Variants in SLC25A16 observed in about 807,000 individuals in gnomAD.
SLC25A16 encodes the protein solute carrier family 25 member 16, also known as mitochondrial coenzyme A transporter SLC25A16.
In SLC25A16, 39 loss-of-function variants were observed where a neutral mutation model predicts 41.5. That is an observed-to-expected ratio of 0.94 (90% CI 0.73 to 1.23). The LOEUF (loss-of-function observed/expected upper bound fraction) is 1.23, where lower values mean the gene tolerates loss of function less well. Ranked by LOEUF, SLC25A16 falls within the 50% of genes most tolerant of loss-of-function variation. The pLI, the probability that SLC25A16 is intolerant of heterozygous loss-of-function variation, is 0.00. For missense variants in SLC25A16, 421 were observed against 426.9 expected, an observed-to-expected ratio of 0.99 and a Z score of 0.12; for synonymous variants, 146 against 147.8, an observed-to-expected ratio of 0.99 and a Z score of 0.09.
intron 1 of SLC25A16, among the ~76,000 whole-genome samples, chr10:68,526,028 G>A (rs2053332211): frequency 6.6e-6 from 1 of 151,898 alleles, no homozygotes. Flanking sequence ...CCATGTGATA[G>A]TCTGAAATAC....
chr10:68,490,136 T>C (rs1470260754), intron 6 of SLC25A16, among the ~76,000 whole-genome samples: 1 of 151,926 alleles, frequency 6.6e-6, no homozygotes, highest in Non-Finnish European at 1.5e-5. Context: ...GTGTTACGTG[T>C]CTGCAGTCCC....
At chr10:68,514,467 G>A (rs572245409) in intron 2 of SLC25A16, among the ~76,000 whole-genome samples, 4 of 152,282 alleles carry the variant, frequency 2.6e-5, no homozygotes, top group African/African-American at 7.2e-5. Flanking sequence ...CTGCACTCCA[G>A]CCTGGGCAAC....
chr10:68,486,142 C>T (rs570659143), intron 8 of SLC25A16, among the ~76,000 whole-genome samples: 27 of 147,548 alleles, frequency 1.8e-4, no homozygotes, highest in African/African-American at 6.3e-4. Context: ...CGCTTGAACC[C>T]GGAAGGGGGA....
intron 1 of SLC25A16, chr10:68,518,042 TG>T (rs2053189485): frequency 2.0e-5 from 3 of 151,754 alleles, no homozygotes; most frequent in Non-Finnish European, 4.4e-5. Flanking sequence ...GAGGATGACG[TG>T]AGCCAACAGT....
chr10:68,480,976 G>C lies in SLC25A16; in HGVS notation c.*2456C>G, dbSNP rs1379833448. The C allele has an allele frequency of 6.9e-6, 1 of 145,704 alleles. No individual in the cohort carries two copies. Among genetic ancestry groups the C allele is most frequent in the Non-Finnish European group, 1.5e-5 (1 of 66,818 alleles). 9.0% of individuals were successfully genotyped at this position (145,704 alleles called of 1,614,324 possible). On this transcript the variant is annotated 3_prime_UTR_variant, in exon 9 of 9. Transcript: ENST00000609923. The stretch of plus-strand genomic sequence containing the variant: ...ACAGCCTTTTTTTTTCTTTTATACA[G>C]TCTCACTCTGTATAAAAGAAATTTT...
At chr10:68,506,157 A>G (rs1320493974) in intron 3 of SLC25A16, among the ~76,000 whole-genome samples, 1 of 152,256 alleles carries the variant, frequency 6.6e-6, no homozygotes, top group Non-Finnish European at 1.5e-5. Context: ...TTCCTTTAAA[A>G]AGGCATTGCT....
intron 2 of SLC25A16, among the ~76,000 whole-genome samples, chr10:68,507,382 C>G (rs543335184): frequency 2.0e-4 from 31 of 152,016 alleles, no homozygotes; most frequent in African/African-American, 6.7e-4. Context: ...TGAAGATGAT[C>G]TACTCTTTAT....
intron 1 of SLC25A16, among the ~76,000 whole-genome samples, chr10:68,518,928 C>T (rs995176540): frequency 6.6e-6 from 1 of 152,132 alleles, no homozygotes; most frequent in Non-Finnish European, 1.5e-5. Context: ...TATGGTGACT[C>T]ATACCTGTAA....
chr10:68,518,803 A>T lies in SLC25A16; in HGVS notation c.131-1960T>A, dbSNP rs569493924. ...AAACAAATAAAATAAATAAATAAAT[A>T]AATAAATTAAATAAATAAATAAATA... is the stretch of plus-strand genomic sequence containing the variant. On this transcript the variant is annotated intron_variant, in intron 1 of 8. Coordinates refer to ENST00000609923, the MANE Select transcript of SLC25A16 (RefSeq NM_152707.4). 9.7e-3 allele frequency among the ~76,000 whole-genome samples: 1,170 copies of T among 121,190 alleles called. 16 individuals are homozygous for T. Among genetic ancestry groups the T allele is most frequent in the African/African-American group, 0.031 (986 of 31,330 alleles). The allele number at this position is 121,190 out of a possible 152,430, so 79.5% of individuals were successfully genotyped here.
intron 1 of SLC25A16, among the ~76,000 whole-genome samples, chr10:68,522,874 G>C (rs1023993651): frequency 2.0e-5 from 3 of 149,740 alleles, no homozygotes; most frequent in Admixed American, 1.3e-4. Context: ...GGTAGTCCCA[G>C]CTACTCTGGA....
At chr10:68,494,005 C>G (rs764778120) in intron 4 of SLC25A16, among the ~76,000 whole-genome samples, 2 of 152,270 alleles carry the variant, frequency 1.3e-5, no homozygotes, top group South Asian at 4.1e-4. Context: ...TCTGTAATGA[C>G]CATGTACAGA....
intron 3 of SLC25A16, among the ~76,000 whole-genome samples, chr10:68,504,017 C>CTTTTTTTTT (rs148285905): frequency 1.4e-5 from 1 of 70,872 alleles, no homozygotes; most frequent in African/African-American, 5.7e-5. Context: ...TAAACTGCTA[C>CTTTTTTTTT]TTTTTTTTTT....
intron 2 of SLC25A16, among the ~76,000 whole-genome samples, chr10:68,509,762 G>C (rs985835373): frequency 7.3e-6 from 1 of 137,548 alleles, no homozygotes; most frequent in Non-Finnish European, 1.6e-5. Flanking sequence ...TAGATATATA[G>C]ATATAGATAG....
At chr10:68,525,749 T>C (rs1017107107) in intron 1 of SLC25A16, among the ~76,000 whole-genome samples, 5 of 152,196 alleles carry the variant, frequency 3.3e-5, no homozygotes, top group Non-Finnish European at 5.9e-5. Context: ...TCCATTTTGT[T>C]CTGTACTAAG....
At chr10:68,495,554 T>C (rs10998227) in intron 4 of SLC25A16, among the ~76,000 whole-genome samples, 34,615 of 151,878 alleles carry the variant, frequency 0.23, 4,361 homozygotes, top group South Asian at 0.35. Context: ...GAGGCCAAGG[T>C]GGGTGGATCA....
chr10:68,494,216 G>C (rs185554769), intron 4 of SLC25A16, among the ~76,000 whole-genome samples: 1 of 152,044 alleles, frequency 6.6e-6, no homozygotes, highest in Non-Finnish European at 1.5e-5. Context: ...TGTAATCCCA[G>C]CACTTTGGGA....
At position 68,505,865 on chromosome 10, in the gene SLC25A16, T is replaced by A. The variant is rs184673975; in HGVS notation, c.357+720A>T. ...CTGGCCAAGATGGTGAAACCCCATC[T>A]CTACTAAAAATACAAAAATTAGCTG... On this transcript the variant is annotated intron_variant, in intron 3 of 8. Transcript: ENST00000609923. Among the ~76,000 whole-genome samples, 600 of 152,090 alleles carry A rather than the reference T, an allele frequency of 3.9e-3. 8 individuals carry two copies. The highest frequency in any genetic ancestry group is 0.014 in the African/African-American group (579 of 41,508).
At chr10:68,512,555 C>T (rs1292405565) in intron 2 of SLC25A16, among the ~76,000 whole-genome samples, 5 of 113,954 alleles carry the variant, frequency 4.4e-5, no homozygotes, top group African/African-American at 7.3e-5. Context: ...AGGAGAATGG[C>T]GTGAACCCGG....
intron 1 of SLC25A16, among the ~76,000 whole-genome samples, chr10:68,521,461 G>A (rs1430695586): frequency 6.6e-6 from 1 of 151,722 alleles, no homozygotes; most frequent in Admixed American, 6.6e-5. Flanking sequence ...CCCAAGAAGC[G>A]GATGTTTCAG....
Sources: allele counts gnomAD v4.1 joint callset (sites outside exome capture counted in the v4.1 genomes callset), GRCh38; gene constraint gnomAD v4.1.1; transcripts MANE v1.5; gene names NCBI Gene and HGNC (gene_info 2026-07-23, HGNC 2026-07-21).